Variants in GPC6 observed in about 807,000 individuals in gnomAD.
The protein encoded by GPC6 is glypican-6.
In GPC6, 14 loss-of-function variants were observed where a neutral mutation model predicts 55.2. The ratio of observed to expected loss-of-function variants is 0.25; its 90% confidence interval spans 0.17 to 0.40. The LOEUF is 0.40. Among genes scored for constraint, GPC6 ranks in the 10% least tolerant of loss-of-function variants. The pLI is 1.00. For synonymous variants in GPC6, 278 were observed against 259.6 expected, an observed-to-expected ratio of 1.07 and a Z score of -0.68; for missense variants, 641 against 708.5, an observed-to-expected ratio of 0.90 and a Z score of 1.08.
chr13:93,962,677 C>T (rs1405260982), intron 3 of GPC6, among the ~76,000 whole-genome samples: 2 of 152,068 alleles, frequency 1.3e-5, no homozygotes, highest in Non-Finnish European at 2.9e-5. Context: ...GTGGTAAAAC[C>T]TAGAATAACA....
intron 4 of GPC6, among the ~76,000 whole-genome samples, chr13:94,120,569 T>C (rs28505690): frequency 1.3e-5 from 2 of 152,070 alleles, no homozygotes; most frequent in South Asian, 4.1e-4. Context: ...GAAATCAATG[T>C]GGGTTTAGCA....
intron 3 of GPC6, among the ~76,000 whole-genome samples, chr13:93,914,722 G>A (rs1877199980): frequency 6.6e-6 from 1 of 152,176 alleles, no homozygotes; most frequent in South Asian, 2.1e-4. Flanking sequence ...GGCCAAGAGA[G>A]GAGGAAATAA....
At chr13:93,364,115 G>A (rs2139181950) in intron 1 of GPC6, among the ~76,000 whole-genome samples, 1 of 152,184 alleles carries the variant, frequency 6.6e-6, no homozygotes, top group East Asian at 1.9e-4. Flanking sequence ...AGTTTCTTTT[G>A]CTGTGCAGAA....
At chr13:93,781,540 C>G (rs1018826003) in intron 2 of GPC6, among the ~76,000 whole-genome samples, 9 of 151,910 alleles carry the variant, frequency 5.9e-5, no homozygotes, top group African/African-American at 1.9e-4. Flanking sequence ...CTAAAAATTC[C>G]CTGTCAGAAG....
intron 2 of GPC6, among the ~76,000 whole-genome samples, chr13:93,824,868 A>G (rs1012532835): frequency 6.6e-6 from 1 of 152,098 alleles, no homozygotes; most frequent in Non-Finnish European, 1.5e-5. Context: ...CGATCTATTC[A>G]TTCATTCACT....
intron 2 of GPC6, among the ~76,000 whole-genome samples, chr13:93,593,096 C>T (rs372430444): frequency 6.6e-6 from 1 of 151,780 alleles, no homozygotes; most frequent in Non-Finnish European, 1.5e-5. Flanking sequence ...CATAAATGCC[C>T]GCTAAATTTT....
intron 2 of GPC6, among the ~76,000 whole-genome samples, chr13:93,768,607 G>T (rs1157797836): frequency 6.6e-6 from 1 of 152,234 alleles, no homozygotes; most frequent in East Asian, 1.9e-4. Context: ...TAGGAACAAG[G>T]CATGAGTAAA....
chr13:93,613,708 A>G (rs767491198), intron 2 of GPC6, among the ~76,000 whole-genome samples: 1 of 152,134 alleles, frequency 6.6e-6, no homozygotes, highest in Non-Finnish European at 1.5e-5. Context: ...TTCTTGCTCC[A>G]TCTCAGAGTC....
intron 3 of GPC6, among the ~76,000 whole-genome samples, chr13:93,887,860 T>C (rs1875437429): frequency 6.6e-6 from 1 of 152,064 alleles, no homozygotes; most frequent in Non-Finnish European, 1.5e-5. Context: ...CAACTAAAAA[T>C]ATAATGGACC....
rs1411927943 is a variant in GPC6 at position 93,227,846 on chromosome 13, G to A, written c.160+230G>A. On this transcript the variant is annotated intron_variant, in intron 1 of 8. Transcript: ENST00000377047. The surrounding 1 kb of genome is among the most constrained non-coding windows in gnomAD (Gnocchi z 4.3). The stretch of plus-strand genomic sequence containing the variant: ...TTGTGTGCACACGCGGGAGCACCCT[G>A]GCTCCCGCCTCCCGCTGCTCTCGCG... Among the ~76,000 whole-genome samples, 2 of 152,128 alleles carry A rather than the reference G, an allele frequency of 1.3e-5. No individual in the cohort carries two copies. The highest frequency in any genetic ancestry group is 4.8e-5 in the African/African-American group (2 of 41,462).
At chr13:93,473,949 A>G (rs1037212287) in intron 1 of GPC6, among the ~76,000 whole-genome samples, 1 of 152,078 alleles carries the variant, frequency 6.6e-6, no homozygotes, top group African/African-American at 2.4e-5. Context: ...TGTGGGGCAA[A>G]GAGACCCACT....
Position 93,369,347 on chromosome 13 carries a change from T to G in GPC6, c.160+141731T>G, listed in dbSNP as rs1310661599. Among the ~76,000 whole-genome samples, 3 of 152,124 alleles carry G rather than the reference T, an allele frequency of 2.0e-5. No homozygotes were observed. The East Asian group carries it at 5.8e-4, about 29-fold the overall frequency. The stretch of plus-strand genomic sequence containing the variant: ...TTAAAAATAAAAGGATGGGAAAAGA[T>G]ATACGATGGAAACATTAATCAAAAG... On this transcript the variant is annotated intron_variant, in intron 1 of 8. Transcript: ENST00000377047.
intron 4 of GPC6, among the ~76,000 whole-genome samples, 181 bp from the exon 5 acceptor site, chr13:94,286,168 C>A (rs1382614206): frequency 1.3e-5 from 2 of 152,186 alleles, no homozygotes; most frequent in Non-Finnish European, 2.9e-5. Flanking sequence ...TTTGAATCTT[C>A]AAACAAAATA....
intron 2 of GPC6, among the ~76,000 whole-genome samples, chr13:93,617,160 T>C (rs114628662): frequency 0.016 from 2,495 of 152,218 alleles, 59 homozygotes; most frequent in African/African-American, 0.056. Flanking sequence ...GAAAAAATCC[T>C]GTTGAAGATC....
intron 4 of GPC6, among the ~76,000 whole-genome samples, chr13:94,126,850 T>G (rs1202592178): frequency 6.6e-6 from 1 of 152,174 alleles, no homozygotes; most frequent in Non-Finnish European, 1.5e-5. Context: ...AGGAAAGTTG[T>G]GTTGTTCTGA....
At chr13:93,831,229 A>G (rs1339930132) in intron 3 of GPC6, among the ~76,000 whole-genome samples, 1 of 152,200 alleles carries the variant, frequency 6.6e-6, no homozygotes, top group African/African-American at 2.4e-5. Context: ...TTTCTTGAAG[A>G]TAACATCTCT....
intron 1 of GPC6, among the ~76,000 whole-genome samples, chr13:93,484,617 C>T (rs1357411785): frequency 3.3e-5 from 5 of 151,754 alleles, no homozygotes; most frequent in Admixed American, 3.3e-4. Flanking sequence ...TTTGAATTAC[C>T]ATTTTATTTA....
intron 4 of GPC6, among the ~76,000 whole-genome samples, chr13:94,165,948 A>G (rs1270491062): frequency 6.6e-6 from 1 of 152,168 alleles, no homozygotes. Flanking sequence ...TTATTTATTT[A>G]TACATACAGA....
At chr13:93,552,324 G>A (rs940366615) in intron 2 of GPC6, among the ~76,000 whole-genome samples, 4 of 152,144 alleles carry the variant, frequency 2.6e-5, no homozygotes, top group Non-Finnish European at 4.4e-5. Flanking sequence ...AATCACAAAC[G>A]CCTTTCAAGC....
Sources: allele counts gnomAD v4.1 joint callset (sites outside exome capture counted in the v4.1 genomes callset), GRCh38; gene constraint gnomAD v4.1.1; non-coding constraint Gnocchi (gnomAD v3.1); transcripts MANE v1.5; gene names NCBI Gene and HGNC (gene_info 2026-07-23, HGNC 2026-07-21).